The following DSCAML1 variants were observed in gnomAD, a reference collection of about 807,000 sequenced individuals.
The protein encoded by DSCAML1 is DS cell adhesion molecule like 1, also known as cell adhesion molecule DSCAML1.
DSCAML1 carries 38 observed loss-of-function variants against 200.5 expected under a neutral mutation model. The observed-to-expected ratio is 0.19, with a 90% CI of 0.15 to 0.25. DSCAML1 has a LOEUF of 0.25. Ranked by LOEUF, DSCAML1 falls within the 10% of genes least tolerant of loss-of-function variation. The pLI is 1.00. For missense variants in DSCAML1, 2,223 were observed against 2,858.8 expected (o/e 0.78, Z 5.07); for synonymous variants, 1,215 against 1,165.0 (o/e 1.04, Z -0.87).
chr11:117,639,170 C>G (rs1255624874), intron 3 of DSCAML1, among the ~76,000 whole-genome samples: 3 of 152,050 alleles, frequency 2.0e-5, no homozygotes, highest in Non-Finnish European at 2.9e-5. Flanking sequence ...GCAAACAAAG[C>G]TGGATACACT....
At chr11:117,747,227 C>T (rs1051727317) in intron 3 of DSCAML1, among the ~76,000 whole-genome samples, 5 of 152,304 alleles carry the variant, frequency 3.3e-5, no homozygotes, top group Non-Finnish European at 4.4e-5. Flanking sequence ...TTCCCCTAAC[C>T]GGTGTTCTCT....
At position 117,524,885 on chromosome 11, in the gene DSCAML1, G is replaced by T; in HGVS notation, c.857C>A (p.Thr286Asn). 3 of 1,611,712 alleles carry T rather than the reference G, an allele frequency of 1.9e-6. No homozygotes were observed. Among genetic ancestry groups the T allele is most frequent in the Non-Finnish European group, 2.5e-6 (3 of 1,179,152 alleles). ...ACAAATGTAGGTGCCGCTGTCCTCG[G>T]TCCGCAAGTCGCTGATGGTCAGCCC... is the stretch of plus-strand genomic sequence containing the variant. ...ITGLTISDLR[T>N]EDSGTYICEV... Residue 286 changes from threonine to asparagine, a missense_variant, in exon 5 of 33, where the codon ACC becomes AAC. Thr to Asn is a moderately conservative substitution (Grantham distance 65). Coordinates refer to ENST00000651296, the MANE Select transcript of DSCAML1 (RefSeq NM_020693.4).
Position 117,518,544 on chromosome 11 carries a change from G to A in DSCAML1, c.1432C>T (p.Arg478Cys), listed in dbSNP as rs1454284644. ...SHMNVTGPQI[R>C]DGGVYRCTAR... ...GTGCACCGGTACACGCCCCCGTCGC[G>A]GATCTGGGGGCCTGTGACGTTCATG... Residue 478 changes from arginine (R) to cysteine (C), a missense_variant, in exon 7 of 33, where the codon CGC becomes TGC. Coordinates refer to ENST00000651296, the MANE Select transcript of DSCAML1 (RefSeq NM_020693.4). The surrounding 1 kb of genome is among the most constrained non-coding windows in gnomAD (Gnocchi z 6.3). 19 of 1,614,074 alleles carry A rather than the reference G, an allele frequency of 1.2e-5. No homozygotes were observed. Among genetic ancestry groups the A allele is most frequent in the South Asian group, 5.5e-5 (5 of 91,088 alleles).
At chr11:117,810,240 C>A (rs115022462) in intron 1 of DSCAML1, among the ~76,000 whole-genome samples, 28 of 150,874 alleles carry the variant, frequency 1.9e-4, no homozygotes, top group African/African-American at 6.9e-4. Flanking sequence ...CTCCGTGGAC[C>A]CAAAACTCCG....
intron 24 of DSCAML1, 83 bp downstream of exon 24, chr11:117,438,802 G>A (rs1592574769): frequency 8.2e-7 from 1 of 1,224,648 alleles, no homozygotes; most frequent in East Asian, 3.0e-5. Flanking sequence ...GGAGACAAAT[G>A]GCAGAAGTGG....
intron 3 of DSCAML1, among the ~76,000 whole-genome samples, chr11:117,597,282 C>T (rs1016822498): frequency 3.1e-4 from 47 of 152,216 alleles, no homozygotes; most frequent in African/African-American, 1.1e-3. Context: ...ATTTCAGGAC[C>T]GGGGACAGCG....
At chr11:117,805,748 CTG>C (rs1266571076) in intron 1 of DSCAML1, among the ~76,000 whole-genome samples, 1 of 152,242 alleles carries the variant, frequency 6.6e-6, no homozygotes, top group Non-Finnish European at 1.5e-5. Context: ...TGCCCAGCCC[CTG>C]TGCAAGGAGT....
At chr11:117,634,239 G>A (rs952124461) in intron 3 of DSCAML1, among the ~76,000 whole-genome samples, 13 of 152,130 alleles carry the variant, frequency 8.5e-5, no homozygotes, top group African/African-American at 3.1e-4. Context: ...TGCTTCTTGT[G>A]GGCTGGAATC....
intron 3 of DSCAML1, among the ~76,000 whole-genome samples, chr11:117,751,797 G>C (rs1433809625): frequency 6.6e-6 from 1 of 152,140 alleles, no homozygotes; most frequent in African/African-American, 2.4e-5. Flanking sequence ...TATTGACCCA[G>C]GGCCTTGGCT....
intron 3 of DSCAML1, among the ~76,000 whole-genome samples, chr11:117,766,447 C>T (rs1299070886): frequency 1.3e-5 from 2 of 152,222 alleles, no homozygotes; most frequent in African/African-American, 4.8e-5. Flanking sequence ...TTCCCTGCAA[C>T]CCTTGACTTC....
At chr11:117,536,553 A>T (rs2050175038) in intron 3 of DSCAML1, among the ~76,000 whole-genome samples, 1 of 152,192 alleles carries the variant, frequency 6.6e-6, no homozygotes, top group African/African-American at 2.4e-5. Context: ...TGACAGCATA[A>T]TTTGGGGTTG....
intron 3 of DSCAML1, among the ~76,000 whole-genome samples, chr11:117,572,554 C>G (rs767990146): frequency 6.6e-6 from 1 of 152,158 alleles, no homozygotes; most frequent in Admixed American, 6.5e-5. Context: ...AGGAGTGTAT[C>G]CTCCGGTCAC....
chr11:117,514,576 T>TC (rs2049717197), intron 8 of DSCAML1, among the ~76,000 whole-genome samples: 1 of 95,506 alleles, frequency 1.0e-5, no homozygotes, highest in Non-Finnish European at 2.2e-5. Flanking sequence ...CTTTTTCTTT[T>TC]TTTTTTTTTT....
At chr11:117,707,611 G>A (rs2053778545) in intron 3 of DSCAML1, among the ~76,000 whole-genome samples, 1 of 152,098 alleles carries the variant, frequency 6.6e-6, no homozygotes, top group Non-Finnish European at 1.5e-5. Flanking sequence ...TCGACTCACT[G>A]CAACCTCTGC....
chr11:117,662,419 G>A (rs959692655), intron 3 of DSCAML1, among the ~76,000 whole-genome samples: 6 of 152,234 alleles, frequency 3.9e-5, no homozygotes, highest in Admixed American at 6.5e-5. Flanking sequence ...CCAAATGCCC[G>A]GAGGCAGAAT....
In DSCAML1 at chr11:117,428,138, GAGA is replaced by G. The variant is rs2047696595; in HGVS notation, c.*187_*189del. The G allele has an allele frequency of 5.7e-6, 3 of 527,794 alleles. No individual in the cohort carries two copies. Among genetic ancestry groups the G allele is most frequent in the African/African-American group, 2.0e-5 (1 of 49,174 alleles). 32.7% of individuals were successfully genotyped at this position (527,794 alleles called of 1,614,324 possible). A position where few individuals can be genotyped will look rare whatever the true frequency, so the allele number is the denominator to read the frequency against. ...AAATTCTTTGTGCCCTGGCTTCATG[GAGA>G]AGAAGAAAATAGTTTCATTTGTACA... On this transcript the variant is annotated 3_prime_UTR_variant, in exon 33 of 33. Transcript: ENST00000651296.
rs770570838 is a variant in DSCAML1, at chr11:117,481,925, G to A, written c.2559+38C>T. 1.2e-4 allele frequency: 194 copies of A among 1,611,236 alleles called. 1 individual carries two copies. In the South Asian group the frequency reaches 1.7e-3, roughly 15 times the overall value. ...TAGCTGCGGGCTCCCCACTCTCTGA[G>A]AGTTGGGGTCCCCCAGCACTGAGGT... On this transcript the variant is annotated intron_variant, in intron 12 of 32. Transcript: ENST00000651296.
At chr11:117,624,648 C>A (rs1003932605) in intron 3 of DSCAML1, among the ~76,000 whole-genome samples, 1 of 152,082 alleles carries the variant, frequency 6.6e-6, no homozygotes, top group South Asian at 2.1e-4. Flanking sequence ...AACTTGTTCA[C>A]TCCTAAGCCT....
chr11:117,575,873 A>AAAACAAAACAAAACAAAAC (rs1385893671), intron 3 of DSCAML1, among the ~76,000 whole-genome samples: 95 of 141,134 alleles, frequency 6.7e-4, no homozygotes, highest in African/African-American at 2.2e-3. Flanking sequence ...AAAACAAAAC[A>AAAACAAAACAAAACAAAAC]AAACAAAACA....
Sources: allele counts gnomAD v4.1 joint callset (sites outside exome capture counted in the v4.1 genomes callset), GRCh38; gene constraint gnomAD v4.1.1; non-coding constraint Gnocchi (gnomAD v3.1); transcripts MANE v1.5; gene names NCBI Gene and HGNC (gene_info 2026-07-23, HGNC 2026-07-21).